Variants in ABCC1 observed in about 807,000 individuals in gnomAD.
ABCC1 encodes multidrug resistance-associated protein 1.
A neutral mutation model predicts 172.9 loss-of-function variants in ABCC1; 83 were observed. The ratio of observed to expected loss-of-function variants is 0.48; its 90% CI spans 0.40 to 0.58. The LOEUF (loss-of-function observed/expected upper bound fraction) is 0.58, where lower values mean the gene tolerates loss of function less well. Ranked by LOEUF, ABCC1 falls within the 20% of genes least tolerant of loss-of-function variation. The pLI is 0.00. For missense variants in ABCC1, 1,817 were observed against 2,002.7 expected (o/e 0.91, Z 1.77); for synonymous variants, 937 against 825.2 (o/e 1.14, Z -2.32).
chr16:16,134,027 T>A (rs1462734974), intron 27 of ABCC1, among the ~76,000 whole-genome samples: 1 of 152,188 alleles, frequency 6.6e-6, no homozygotes, highest in Non-Finnish European at 1.5e-5. Flanking sequence ...GATTATTACT[T>A]AATAGTTTCT....
chr16:16,136,423 C>T (rs1307423058), intron 28 of ABCC1, 55 bp from the exon 29 acceptor site: 5 of 1,593,822 alleles, frequency 3.1e-6, no homozygotes, highest in Non-Finnish European at 4.3e-6. Flanking sequence ...TCGCCTCCAT[C>T]CATGTCAGCG....
chr16:16,025,718 G>T (rs535062565), intron 5 of ABCC1, among the ~76,000 whole-genome samples: 1 of 152,154 alleles, frequency 6.6e-6, no homozygotes, highest in Admixed American at 6.5e-5. Context: ...CAAACCACAG[G>T]GTTTCTGGCC....
At chr16:15,971,553 C>G (rs1163677551) in intron 1 of ABCC1, among the ~76,000 whole-genome samples, 1 of 152,178 alleles carries the variant, frequency 6.6e-6, no homozygotes, top group Non-Finnish European at 1.5e-5. Context: ...TACATTACCC[C>G]CTGTGGAGAT....
intron 7 of ABCC1, among the ~76,000 whole-genome samples, chr16:16,041,989 G>C (rs527241969): frequency 6.6e-6 from 1 of 151,958 alleles, no homozygotes; most frequent in Admixed American, 6.6e-5. Context: ...CCAGCTACAG[G>C]GGGGCTGAAG....
chr16:16,033,171 G>A lies in ABCC1; in HGVS notation c.677+1G>A. 1 of 1,613,982 alleles carries A rather than the reference G, an allele frequency of 6.2e-7. No homozygotes were observed. The highest frequency in any genetic ancestry group is 8.5e-7 in the Non-Finnish European group (1 of 1,179,892). ...GGATCACCTTCTGGTGGATCACAGG[G>A]TAAGGCCAGGCCCCCCAGACCTCAG... On this transcript the variant is annotated splice_donor_variant, in intron 6 of 30. Coordinates refer to ENST00000399410, the MANE Select transcript of ABCC1 (RefSeq NM_004996.4). LOFTEE classifies it high-confidence loss of function.
chr16:16,112,265 G>A (rs1208735146), intron 22 of ABCC1, among the ~76,000 whole-genome samples: 1 of 152,048 alleles, frequency 6.6e-6, no homozygotes, highest in Non-Finnish European at 1.5e-5. Context: ...GGGCAGCTGA[G>A]GTCACAAGAT....
chr16:16,050,333 C>T lies in ABCC1; in HGVS notation c.1380+2030C>T, dbSNP rs540530328. Among the ~76,000 whole-genome samples the T allele has an allele frequency of 2.6e-5, 4 of 152,118 alleles. No individual in the cohort carries two copies. In the South Asian group the frequency reaches 6.2e-4, roughly 24 times the overall value. The stretch of plus-strand genomic sequence containing the variant: ...CATTAGTCAGGCATGGTGGTGTATG[C>T]CTATAATCTCAACTACTTGGGTGGC... On this transcript the variant is annotated intron_variant, in intron 10 of 30. Transcript: ENST00000399410.
rs867080065 is a variant in ABCC1, at chr16:15,982,951, C to G, written c.49-24865C>G. 3.3e-5 allele frequency among the ~76,000 whole-genome samples: 5 copies of G among 152,066 alleles called. No individual in the cohort carries two copies. In the South Asian group the frequency reaches 6.2e-4, roughly 19 times the overall value. ...TTCATATGGTTCATCCTAGCGATAACTGTACATGGTGTATTAGATACTATA... is the reference window on the plus strand; with the variant it reads ...TTCATATGGTTCATCCTAGCGATAAGTGTACATGGTGTATTAGATACTATA... On this transcript the variant is annotated intron_variant, in intron 1 of 30. Transcript: ENST00000399410.
In ABCC1 at chr16:16,083,265, G is replaced by T. The variant is rs2050874796; in HGVS notation, c.2116-101G>T. On this transcript the variant is annotated intron_variant, in intron 16 of 30. Coordinates refer to ENST00000399410, the MANE Select transcript of ABCC1 (RefSeq NM_004996.4). Reference sequence around the variant, plus strand: ...GCAATAGTTGTGATGAAAATGACTTGTGAAGTGAGGCCCTCCTAGCAGGCG... The same window carrying T: ...GCAATAGTTGTGATGAAAATGACTTTTGAAGTGAGGCCCTCCTAGCAGGCG... The T allele has an allele frequency of 3.4e-6, 4 of 1,179,664 alleles. No individual in the cohort carries two copies. In the South Asian group the frequency reaches 4.1e-5, roughly 12 times the overall value. 73.1% of individuals were successfully genotyped at this position (1,179,664 alleles called of 1,614,324 possible).
chr16:15,991,024 T>C (rs2046852236), intron 1 of ABCC1, among the ~76,000 whole-genome samples: 1 of 152,022 alleles, frequency 6.6e-6, no homozygotes, highest in Non-Finnish European at 1.5e-5. Flanking sequence ...CATGTTTTCT[T>C]TGTCCACTTG....
At chr16:16,063,481 T>G (rs2049994957) in intron 12 of ABCC1, among the ~76,000 whole-genome samples, 1 of 152,146 alleles carries the variant, frequency 6.6e-6, no homozygotes, top group South Asian at 2.1e-4. Context: ...TGTAAATGTA[T>G]GTAGGTAAAT....
At chr16:16,138,586 G>A (rs2046007629) in intron 30 of ABCC1, 28 bp downstream of exon 30, 2 of 1,512,526 alleles carry the variant, frequency 1.3e-6, no homozygotes, top group Admixed American at 4.0e-5. Flanking sequence ...GTGGCCTCTA[G>A]GCTTTGGGAG....
intron 19 of ABCC1, chr16:16,098,967 G>A: frequency 1.5e-6 from 2 of 1,291,336 alleles, no homozygotes; most frequent in Non-Finnish European, 2.1e-6. Flanking sequence ...GGCCGAGACT[G>A]TCGCTGCATG....
At chr16:16,048,020 A>G in intron 9 of ABCC1, 122 bp from the exon 10 acceptor site, 1 of 1,250,130 alleles carries the variant, frequency 8.0e-7, no homozygotes, top group Admixed American at 1.9e-5. Flanking sequence ...TCGGGAGGGG[A>G]GGAGGAGAGA....
intron 5 of ABCC1, among the ~76,000 whole-genome samples, chr16:16,017,475 T>C (rs537841428): frequency 6.6e-6 from 1 of 152,238 alleles, no homozygotes; most frequent in Non-Finnish European, 1.5e-5. Context: ...CATAGGTAGA[T>C]GTGTGCCATG....
At chr16:16,112,688 T>A (rs1363389200) in intron 22 of ABCC1, among the ~76,000 whole-genome samples, 2 of 152,220 alleles carry the variant, frequency 1.3e-5, no homozygotes, top group African/African-American at 4.8e-5. Context: ...CTCACGCTGT[T>A]ATCCACTGTG....
chr16:16,051,414 CTT>C (rs1454358646), intron 10 of ABCC1, among the ~76,000 whole-genome samples: 2 of 152,234 alleles, frequency 1.3e-5, no homozygotes, highest in East Asian at 3.9e-4. Flanking sequence ...CTCAAGCTAT[CTT>C]ACCACTTTGG....
In ABCC1 at chr16:16,023,984, C is replaced by T. The variant is rs779233080; in HGVS notation, c.615+7363C>T. Among the ~76,000 whole-genome samples the T allele has an allele frequency of 2.2e-4, 34 of 151,998 alleles. No individual in the cohort carries two copies. The East Asian group carries it at 5.2e-3, about 23-fold the overall frequency. On this transcript the variant is annotated intron_variant, in intron 5 of 30. Coordinates refer to ENST00000399410, the MANE Select transcript of ABCC1 (RefSeq NM_004996.4). ...CTGTAATCCCAGCACTTTGGGAGGC[C>T]GAGGCAGGCAGATCACCTGAGACTA...
intron 29 of ABCC1, among the ~76,000 whole-genome samples, chr16:16,136,983 C>T (rs1567446339): frequency 2.0e-5 from 3 of 152,196 alleles, no homozygotes; most frequent in African/African-American, 7.2e-5. Context: ...TCCCCATGCA[C>T]TACCCCAGCT....
Sources: gnomAD v4.1 joint callset for allele counts (sites outside exome capture counted in the v4.1 genomes callset) on GRCh38, gnomAD v4.1.1 for gene constraint, MANE v1.5 for transcripts, NCBI Gene and HGNC (gene_info 2026-07-23, HGNC 2026-07-21) for gene names.